Variants in MAP3K5 observed in about 807,000 individuals in gnomAD.
The protein encoded by MAP3K5 is mitogen-activated protein kinase kinase kinase 5.
Under a neutral mutation model 158.7 loss-of-function variants are expected in MAP3K5, and 56 were observed. That is an observed-to-expected ratio of 0.35 (90% CI 0.28 to 0.44). MAP3K5 has a LOEUF of 0.44. MAP3K5 is among the 20% of genes least tolerant of loss of function. MAP3K5 has a pLI of 1.00. For missense variants in MAP3K5, 1,294 were observed against 1,674.8 expected (o/e 0.77, Z 3.97); for synonymous variants, 579 against 601.7 (o/e 0.96, Z 0.55).
intron 7 of MAP3K5, among the ~76,000 whole-genome samples, chr6:136,674,058 C>G (rs1402503257): frequency 1.3e-5 from 2 of 151,670 alleles, no homozygotes; most frequent in Non-Finnish European, 2.9e-5. Context: ...ATAAAATTGA[C>G]AGTAGACTTT....
chr6:136,792,252 A>G lies in MAP3K5; in HGVS notation c.-95T>C. Reference sequence around the variant, plus strand: ...GGGGCTGCTCCGCGCCCGCCGGGCTAAGCAGCTGCCATCGCGCGCCGCGCC... The same window carrying G: ...GGGGCTGCTCCGCGCCCGCCGGGCTGAGCAGCTGCCATCGCGCGCCGCGCC... On this transcript the variant is annotated 5_prime_UTR_variant, in exon 1 of 30. The change abolishes the stop of an existing upstream ORF in the 5' untranslated region. Coordinates refer to ENST00000359015, the MANE Select transcript of MAP3K5 (RefSeq NM_005923.4). The surrounding 1 kb of genome is among the most constrained non-coding windows in gnomAD (Gnocchi z 5.7). The G allele has an allele frequency of 8.1e-7, 1 of 1,241,152 alleles. No homozygotes were observed. The highest frequency in any genetic ancestry group is 1.0e-6 in the Non-Finnish European group (1 of 997,132). The allele number at this position is 1,241,152 out of a possible 1,614,324, so 76.9% of individuals were successfully genotyped here.
intron 12 of MAP3K5, 36 bp downstream of exon 12, chr6:136,642,484 T>C: frequency 6.8e-7 from 1 of 1,473,102 alleles, no homozygotes; most frequent in Non-Finnish European, 9.5e-7. Flanking sequence ...GAGAAAAATG[T>C]CTTATAAGTT....
chr6:136,706,386 T>C (rs542890210), intron 2 of MAP3K5, among the ~76,000 whole-genome samples: 31 of 152,282 alleles, frequency 2.0e-4, no homozygotes, highest in African/African-American at 7.0e-4. Flanking sequence ...AAGCTCTCAA[T>C]ATAAGCTAAC....
At chr6:136,698,769 A>C in intron 3 of MAP3K5, 87 bp from the exon 4 acceptor site, 2 of 872,084 alleles carry the variant, frequency 2.3e-6, no homozygotes, top group Non-Finnish European at 3.5e-6. Flanking sequence ...ATTTTAAATA[A>C]TTCCAAATGC....
intron 1 of MAP3K5, among the ~76,000 whole-genome samples, chr6:136,747,831 T>C (rs1485831669): frequency 3.3e-5 from 5 of 152,112 alleles, no homozygotes; most frequent in African/African-American, 4.8e-5. Flanking sequence ...GTGTAGACTA[T>C]TGTCAAGTGA....
intron 1 of MAP3K5, among the ~76,000 whole-genome samples, chr6:136,777,882 C>T (rs1447239167): frequency 6.6e-6 from 1 of 152,058 alleles, no homozygotes; most frequent in Non-Finnish European, 1.5e-5. Flanking sequence ...ACATCATCAA[C>T]AAGCAAGCAA....
In MAP3K5 at chr6:136,757,580, T is replaced by TTTA. The variant is rs201161539; in HGVS notation, c.448+34129_448+34130insTAA. On this transcript the variant is annotated intron_variant, in intron 1 of 29. Transcript: ENST00000359015. Reference sequence around the variant, plus strand: ...CTCATTTTATAGATTTATTTATTTATTTTTTATTTTTTTTTTTTTTTTTTG... The same window carrying TTTA: ...CTCATTTTATAGATTTATTTATTTATTTATTTTTATTTTTTTTTTTTTTTTTTG... Among the ~76,000 whole-genome samples the TTTA allele has an allele frequency of 1.9e-3, 191 of 98,292 alleles. 4 individuals are homozygous for TTTA. Among genetic ancestry groups the TTTA allele is most frequent in the East Asian group, 0.013 (38 of 2,924 alleles). 64.5% of individuals were successfully genotyped at this position (98,292 alleles called of 152,430 possible). A position where few individuals can be genotyped will look rare whatever the true frequency, so the allele number is the denominator to read the frequency against.
intron 1 of MAP3K5, among the ~76,000 whole-genome samples, chr6:136,728,291 G>C (rs1782062942): frequency 6.6e-6 from 1 of 152,130 alleles, no homozygotes; most frequent in African/African-American, 2.4e-5. Flanking sequence ...TGCTGCTTGT[G>C]AAGAGAAGAG....
chr6:136,741,335 G>T (rs1331731778), intron 1 of MAP3K5, among the ~76,000 whole-genome samples: 1 of 151,966 alleles, frequency 6.6e-6, no homozygotes, highest in East Asian at 1.9e-4. Flanking sequence ...TGCCCATTTG[G>T]TATGGGAGCA....
At chr6:136,709,400 T>G (rs1781213774) in intron 2 of MAP3K5, among the ~76,000 whole-genome samples, 1 of 152,218 alleles carries the variant, frequency 6.6e-6, no homozygotes, top group South Asian at 2.1e-4. Flanking sequence ...TCTCTTCTAA[T>G]GCTGTGTTCA....
intron 2 of MAP3K5, among the ~76,000 whole-genome samples, chr6:136,719,801 A>G (rs965313348): frequency 6.6e-6 from 1 of 152,224 alleles, no homozygotes; most frequent in African/African-American, 2.4e-5. Context: ...CATGCGATTC[A>G]CTGAACTGTG....
intron 15 of MAP3K5, among the ~76,000 whole-genome samples, chr6:136,615,311 C>T (rs1429513642): frequency 6.6e-6 from 1 of 152,188 alleles, no homozygotes; most frequent in Non-Finnish European, 1.5e-5. Context: ...AAAAACAACA[C>T]AGAGCAAAAA....
chr6:136,791,602 G>T, intron 1 of MAP3K5, 108 bp downstream of exon 1: 1 of 1,231,298 alleles, frequency 8.1e-7, no homozygotes, highest in Non-Finnish European at 1.2e-6. Context: ...CCCCCAAAGT[G>T]GGGCAAGAAG....
chr6:136,661,484 T>G (rs1190058435), intron 8 of MAP3K5, among the ~76,000 whole-genome samples: 1 of 152,172 alleles, frequency 6.6e-6, no homozygotes, highest in South Asian at 2.1e-4. Flanking sequence ...CAGCCTTGAA[T>G]TTCTGGGCTC....
chr6:136,731,040 T>C (rs1782201964), intron 1 of MAP3K5, among the ~76,000 whole-genome samples: 1 of 152,168 alleles, frequency 6.6e-6, no homozygotes. Context: ...AATGCATTCT[T>C]GGGAGGAGGA....
chr6:136,698,337 T>C (rs990252053), intron 4 of MAP3K5, 152 bp downstream of exon 4: 9 of 640,808 alleles, frequency 1.4e-5, no homozygotes, highest in Middle Eastern at 4.2e-4. Flanking sequence ...TTATGTGGCA[T>C]CTATTTTATC....
intron 11 of MAP3K5, among the ~76,000 whole-genome samples, chr6:136,645,172 ATCC>A (rs1778191965): frequency 6.6e-6 from 1 of 152,012 alleles, no homozygotes; most frequent in African/African-American, 2.4e-5. Flanking sequence ...GCCTCAAGCA[ATCC>A]TCCTGCTCTG....
intron 14 of MAP3K5, among the ~76,000 whole-genome samples, chr6:136,629,873 T>G (rs989894574): frequency 2.6e-4 from 39 of 152,062 alleles, no homozygotes; most frequent in African/African-American, 9.2e-4. Context: ...TGCTTTAGCC[T>G]CCCGAGTAGC....
intron 3 of MAP3K5, among the ~76,000 whole-genome samples, chr6:136,703,874 T>C (rs1041689665): frequency 2.6e-5 from 4 of 152,238 alleles, no homozygotes; most frequent in Non-Finnish European, 5.9e-5. Context: ...TTAAATCAAA[T>C]CTTGTGCAGG....
Sources: allele counts gnomAD v4.1 joint callset (sites outside exome capture counted in the v4.1 genomes callset), GRCh38; gene constraint gnomAD v4.1.1; non-coding constraint Gnocchi (gnomAD v3.1); transcripts MANE v1.5; gene names NCBI Gene and HGNC (gene_info 2026-07-23, HGNC 2026-07-21).